Variants in PSD3 observed in about 807,000 individuals in gnomAD.
PSD3 encodes the protein pleckstrin and Sec7 domain containing 3.
Under a neutral mutation model 105.5 loss-of-function variants are expected in PSD3, and 49 were observed. The ratio of observed to expected loss-of-function variants is 0.46; its 90% confidence interval spans 0.37 to 0.59. PSD3 has a LOEUF of 0.59. Among genes scored for constraint, PSD3 ranks in the 20% least tolerant of loss-of-function variants. The pLI is 0.00. For missense variants in PSD3, 1,561 were observed against 1,263.8 expected (o/e 1.24, Z -3.57); for synonymous variants, 557 against 457.8 (o/e 1.22, Z -2.77).
At chr8:18,715,940 G>T (rs1802557540) in intron 9 of PSD3, among the ~76,000 whole-genome samples, 1 of 152,186 alleles carries the variant, frequency 6.6e-6, no homozygotes, top group Non-Finnish European at 1.5e-5. Flanking sequence ...ACATAGATTT[G>T]AGTGAGGGAG....
At chr8:18,745,955 T>C (rs78896788) in intron 9 of PSD3, among the ~76,000 whole-genome samples, 188 of 152,348 alleles carry the variant, frequency 1.2e-3, no homozygotes, top group African/African-American at 3.9e-3. Context: ...AAAGTAATGA[T>C]AGAGGCAGAC....
intron 1 of PSD3, among the ~76,000 whole-genome samples, chr8:19,022,375 T>G (rs1827390258): frequency 6.6e-6 from 1 of 152,122 alleles, no homozygotes; most frequent in Non-Finnish European, 1.5e-5. Context: ...AGCCTTGCCC[T>G]CTCTCACCCA....
At chr8:18,673,926 G>A (rs1187213606) in intron 9 of PSD3, among the ~76,000 whole-genome samples, 1 of 152,076 alleles carries the variant, frequency 6.6e-6, no homozygotes, top group Non-Finnish European at 1.5e-5. Flanking sequence ...AGGATTGCTT[G>A]AGCCCAGCAG....
chr8:18,910,725 T>C (rs1025035653), intron 2 of PSD3, among the ~76,000 whole-genome samples: 2 of 150,928 alleles, frequency 1.3e-5, no homozygotes, highest in African/African-American at 4.9e-5. Context: ...AAAGCTGTTG[T>C]GGTATGCCAA....
At chr8:18,609,795 T>C (rs538983716) in intron 11 of PSD3, among the ~76,000 whole-genome samples, 2 of 152,220 alleles carry the variant, frequency 1.3e-5, no homozygotes, top group Non-Finnish European at 2.9e-5. Flanking sequence ...TATATTAACC[T>C]CTAACTTTCT....
chr8:18,789,287 A>G (rs888224763), intron 8 of PSD3, among the ~76,000 whole-genome samples: 1 of 152,298 alleles, frequency 6.6e-6, no homozygotes, highest in Admixed American at 6.5e-5. Flanking sequence ...AAGATGCATG[A>G]CTTCTGATAC....
chr8:18,992,505 T>C (rs757391462), intron 1 of PSD3, among the ~76,000 whole-genome samples: 1 of 152,118 alleles, frequency 6.6e-6, no homozygotes, highest in African/African-American at 2.4e-5. Flanking sequence ...ATGCACAAGT[T>C]TCCAGGGAAA....
At chr8:18,669,274 G>A (rs73199905) in intron 9 of PSD3, among the ~76,000 whole-genome samples, 12,734 of 152,260 alleles carry the variant, frequency 0.084, 678 homozygotes, top group African/African-American at 0.14. Flanking sequence ...GGGGGAATAT[G>A]TTCCAAGGCT....
intron 3 of PSD3, 49 bp downstream of exon 3, chr8:18,871,577 A>G (rs1817348898): frequency 1.3e-6 from 2 of 1,528,276 alleles, no homozygotes; most frequent in Non-Finnish European, 1.8e-6. Context: ...ACAGTTTTCT[A>G]TGATATGTAC....
At chr8:18,861,260 G>T (rs1289484465) in intron 4 of PSD3, among the ~76,000 whole-genome samples, 1 of 152,074 alleles carries the variant, frequency 6.6e-6, no homozygotes, top group Non-Finnish European at 1.5e-5. Context: ...AGAGCTTCCA[G>T]GAAACTGACC....
intron 10 of PSD3, among the ~76,000 whole-genome samples, chr8:18,644,737 G>T (rs1254062153): frequency 1.3e-5 from 2 of 152,006 alleles, no homozygotes; most frequent in South Asian, 2.1e-4. Context: ...CAATTCCAAG[G>T]CCCCTTCCAC....
At chr8:18,734,553 T>A (rs1006682547) in intron 9 of PSD3, 1 of 152,238 alleles carries the variant, frequency 6.6e-6, no homozygotes, top group Admixed American at 6.5e-5. Flanking sequence ...GTTCTCCATT[T>A]CATTTATTTG....
At chr8:18,806,431 C>G (rs1400533788) in intron 4 of PSD3, among the ~76,000 whole-genome samples, 1 of 152,178 alleles carries the variant, frequency 6.6e-6, no homozygotes, top group East Asian at 1.9e-4. Flanking sequence ...AGAGGGTTCT[C>G]TTGTATTTAT....
chr8:18,669,779 G>T (rs1799675976), intron 9 of PSD3, among the ~76,000 whole-genome samples: 1 of 152,182 alleles, frequency 6.6e-6, no homozygotes. Flanking sequence ...CAGATAAGGG[G>T]CGAATCCCGT....
chr8:19,039,777 C>T, intron 1 of PSD3, among the ~76,000 whole-genome samples: 1 of 152,150 alleles, frequency 6.6e-6, no homozygotes, highest in Admixed American at 6.5e-5. Flanking sequence ...AATGTATATT[C>T]ACAGAATACC....
At chr8:19,084,655 C>G in exon 1 of PSD3, 2 of 340,210 alleles carry the variant, frequency 5.9e-6, no homozygotes, top group East Asian at 1.5e-4. Flanking sequence ...ACGTCCGGAT[C>G]CTGGGATTTT....
At chr8:18,895,867 C>A (rs1819116844) in intron 2 of PSD3, among the ~76,000 whole-genome samples, 1 of 152,210 alleles carries the variant, frequency 6.6e-6, no homozygotes, top group Non-Finnish European at 1.5e-5. Context: ...AAATTATACT[C>A]ACCCAGTCCT....
At chr8:18,589,369 T>C (rs761123513) in intron 12 of PSD3, among the ~76,000 whole-genome samples, 15 of 152,168 alleles carry the variant, frequency 9.9e-5, no homozygotes, top group Non-Finnish European at 1.5e-4. Context: ...GGCAAATCAT[T>C]TACTTTGTGA....
At chr8:18,585,831 G>A (rs1026976422) in intron 12 of PSD3, among the ~76,000 whole-genome samples, 11 of 152,052 alleles carry the variant, frequency 7.2e-5, no homozygotes, top group South Asian at 2.1e-4. Context: ...GTTGAGGTTC[G>A]CAGAGGATAA....
Sources: gnomAD v4.1 joint callset for allele counts (sites outside exome capture counted in the v4.1 genomes callset) on GRCh38, gnomAD v4.1.1 for gene constraint, MANE v1.5 for transcripts, NCBI Gene and HGNC (gene_info 2026-07-23, HGNC 2026-07-21) for gene names.